Variants in DIS3L2 observed in about 807,000 individuals in gnomAD.
DIS3L2 encodes DIS3 like 3'-5' exoribonuclease 2.
DIS3L2 carries 34 observed loss-of-function variants against 97.5 expected under a neutral mutation model. That is an observed-to-expected ratio of 0.35 (90% CI 0.27 to 0.46). DIS3L2 has a LOEUF of 0.46. Among genes scored for constraint, DIS3L2 ranks in the 20% least tolerant of loss-of-function variants. The pLI is 1.00. For missense variants in DIS3L2, 1,038 were observed against 1,146.0 expected, an observed-to-expected ratio of 0.91 and a Z score of 1.36; for synonymous variants, 435 against 445.2, an observed-to-expected ratio of 0.98 and a Z score of 0.29.
chr2:232,226,905 A>G (rs2106239319), intron 10 of DIS3L2, among the ~76,000 whole-genome samples: 1 of 152,218 alleles, frequency 6.6e-6, no homozygotes, highest in South Asian at 2.1e-4. Flanking sequence ...AGGAGGTGGA[A>G]GCTGCAGTGG....
chr2:232,333,746 C>T (rs1005361231), intron 16 of DIS3L2, 94 bp from the exon 17 acceptor site: 10 of 1,477,608 alleles, frequency 6.8e-6, no homozygotes, highest in East Asian at 2.3e-5. Flanking sequence ...GTCCACACAT[C>T]GCTGCCGACG....
intron 10 of DIS3L2, among the ~76,000 whole-genome samples, chr2:232,235,331 A>C (rs772216178): frequency 1.5e-4 from 23 of 152,348 alleles, no homozygotes; most frequent in Non-Finnish European, 3.1e-4. Flanking sequence ...TGACTTTTGG[A>C]TTTATAGTTT....
chr2:232,193,178 A>C (rs1471688487), intron 9 of DIS3L2, among the ~76,000 whole-genome samples: 1 of 152,212 alleles, frequency 6.6e-6, no homozygotes, highest in East Asian at 1.9e-4. Flanking sequence ...TTGACTTTAC[A>C]TGCTAGTTTG....
intron 6 of DIS3L2, among the ~76,000 whole-genome samples, chr2:232,094,767 T>C (rs1696954897): frequency 6.6e-6 from 1 of 151,634 alleles, no homozygotes; most frequent in African/African-American, 2.4e-5. Context: ...CAGCTGTTAT[T>C]ATATTGGGGT....
chr2:232,202,357 C>T (rs1691915884), intron 9 of DIS3L2, among the ~76,000 whole-genome samples: 1 of 152,104 alleles, frequency 6.6e-6, no homozygotes, highest in Non-Finnish European at 1.5e-5. Context: ...GAGATTGCGC[C>T]ACTGCACTCC....
At chr2:232,049,429 G>A (rs1695339810) in intron 5 of DIS3L2, among the ~76,000 whole-genome samples, 1 of 152,148 alleles carries the variant, frequency 6.6e-6, no homozygotes, top group South Asian at 2.1e-4. Context: ...AGGTGTTTAG[G>A]TCATGAGGGT....
intron 1 of DIS3L2, among the ~76,000 whole-genome samples, chr2:231,964,702 A>G (rs1397095126): frequency 2.0e-5 from 3 of 152,242 alleles, no homozygotes; most frequent in Non-Finnish European, 4.4e-5. Flanking sequence ...ATTTCATTCC[A>G]ATTTAATAAC....
chr2:232,118,489 A>G (rs1300119804), intron 6 of DIS3L2, among the ~76,000 whole-genome samples: 1 of 152,104 alleles, frequency 6.6e-6, no homozygotes, highest in African/African-American at 2.4e-5. Context: ...TTTACAATTG[A>G]CTTAAAAACT....
At chr2:232,133,987 CA>C (rs60195881) in intron 7 of DIS3L2, among the ~76,000 whole-genome samples, 16,809 of 76,432 alleles carry the variant, frequency 0.22, 1,778 homozygotes, top group South Asian at 0.46. Flanking sequence ...GACTCTGTCT[CA>C]AAAAAAAAAA....
chr2:232,318,913 C>T (rs962345173), intron 14 of DIS3L2, among the ~76,000 whole-genome samples: 4 of 152,198 alleles, frequency 2.6e-5, no homozygotes, highest in East Asian at 3.8e-4. Flanking sequence ...ACCTCCCCAC[C>T]GTCTCTCCCT....
chr2:232,270,590 ACCATGG>A (rs1413364874), intron 13 of DIS3L2, among the ~76,000 whole-genome samples: 2 of 149,662 alleles, frequency 1.3e-5, no homozygotes, highest in African/African-American at 5.1e-5. Context: ...AAATAATAGT[ACCATGG>A]CCATGGCCAT....
intron 6 of DIS3L2, among the ~76,000 whole-genome samples, chr2:232,124,017 C>T (rs1697983178): frequency 6.6e-6 from 1 of 152,188 alleles, no homozygotes; most frequent in Non-Finnish European, 1.5e-5. Context: ...ACCTAGGCCT[C>T]AGATTATTCA....
At chr2:231,988,207 A>G (rs1693475865) in intron 1 of DIS3L2, among the ~76,000 whole-genome samples, 1 of 152,188 alleles carries the variant, frequency 6.6e-6, no homozygotes, top group Non-Finnish European at 1.5e-5. Flanking sequence ...GTTCATGGTG[A>G]TGGTCCTTGA....
In DIS3L2 at chr2:232,263,231, A is replaced by G. The variant is rs763790659; in HGVS notation, c.1450A>G (p.Thr484Ala). ...GATCCTTGATGAATGGTTTGGCCGG[A>G]CCATCATCCGCTCCTGCACCAAACT... Reference protein sequence around the residue: ...GKILDEWFGRTIIRSCTKLSY... With the variant: ...GKILDEWFGRAIIRSCTKLSY... Residue 484 changes from threonine to alanine, a missense_variant, in exon 13 of 21, where the codon ACC becomes GCC. Thr to Ala is a moderately conservative substitution (Grantham distance 58). This residue lies in a region of DIS3L2 where 813 missense variants were observed against 880.1 expected (regional missense o/e 0.92). Transcript: ENST00000325385. 6.2e-7 allele frequency: 1 copy of G among 1,614,218 alleles called. No homozygotes were observed. Among genetic ancestry groups the G allele is most frequent in the South Asian group, 1.1e-5 (1 of 91,084 alleles).
chr2:232,206,351 A>G (rs1292370111), intron 9 of DIS3L2, among the ~76,000 whole-genome samples: 1 of 152,246 alleles, frequency 6.6e-6, no homozygotes, highest in Non-Finnish European at 1.5e-5. Flanking sequence ...GGGGTCAGCA[A>G]ACTTCCTGTG....
intron 5 of DIS3L2, among the ~76,000 whole-genome samples, chr2:232,077,929 C>G (rs775118507): frequency 6.6e-6 from 1 of 150,620 alleles, no homozygotes; most frequent in Non-Finnish European, 1.5e-5. Flanking sequence ...AGAGTATTTT[C>G]TTTCTTTCTT....
chr2:231,968,728 A>C (rs1210971819), intron 1 of DIS3L2, among the ~76,000 whole-genome samples: 1 of 152,210 alleles, frequency 6.6e-6, no homozygotes, highest in Non-Finnish European at 1.5e-5. Flanking sequence ...TTAAATACCT[A>C]GGAGTAGAAT....
intron 9 of DIS3L2, among the ~76,000 whole-genome samples, chr2:232,200,872 C>G (rs1428035437): frequency 6.6e-6 from 1 of 151,554 alleles, no homozygotes; most frequent in Non-Finnish European, 1.5e-5. Context: ...CAAACTCCGC[C>G]TCCTGGGTTC....
rs144868271 is a variant in DIS3L2 at position 231,994,192 on chromosome 2, C to T, written c.-93-20643C>T. Among the ~76,000 whole-genome samples, 82 of 151,032 alleles carry T rather than the reference C, an allele frequency of 5.4e-4. 1 individual carries two copies. In the East Asian group the frequency reaches 0.016, roughly 29 times the overall value. On this transcript the variant is annotated intron_variant, in intron 1 of 20. Transcript: ENST00000325385. ...GCACTTGTGTCTGAAATCAGTTGGA[C>T]ATATTTGTAAGGGGCTATTTCTGGG... is the stretch of plus-strand genomic sequence containing the variant.
Sources: gnomAD v4.1 joint callset for allele counts (sites outside exome capture counted in the v4.1 genomes callset) on GRCh38, gnomAD v4.1.1 for gene constraint, gnomAD v4.1.1 regional missense constraint, MANE v1.5 for transcripts, NCBI Gene and HGNC (gene_info 2026-07-23, HGNC 2026-07-21) for gene names.